The following PCDHA6 variants were observed in gnomAD, a reference collection of about 807,000 sequenced individuals.
PCDHA6 encodes the protein protocadherin alpha 6, also known as protocadherin alpha-6.
A neutral mutation model predicts 60.3 loss-of-function variants in PCDHA6; 55 were observed. The ratio of observed to expected loss-of-function variants is 0.91; its 90% CI spans 0.73 to 1.14. The LOEUF is 1.14. Among genes scored for constraint, PCDHA6 ranks in the 50% most tolerant of loss-of-function variants. The pLI is 0.00. For missense variants in PCDHA6, 1,327 were observed against 1,256.5 expected, an observed-to-expected ratio of 1.06 and a Z score of -0.85; for synonymous variants, 652 against 557.9, an observed-to-expected ratio of 1.17 and a Z score of -2.38.
intron 1 of PCDHA6, chr5:140,841,790 G>T (rs2150322746): frequency 6.2e-7 from 1 of 1,613,884 alleles, no homozygotes. Flanking sequence ...GCTAGAGGGC[G>T]CGTCCGATGC....
intron 1 of PCDHA6, among the ~76,000 whole-genome samples, chr5:140,872,551 C>T (rs574173970): frequency 6.6e-6 from 1 of 152,178 alleles, no homozygotes; most frequent in East Asian, 1.9e-4. Flanking sequence ...CCCCTGAACC[C>T]AGGGGTTCAG....
At chr5:140,909,747 G>T (rs1554193902) in intron 1 of PCDHA6, among the ~76,000 whole-genome samples, 1 of 152,146 alleles carries the variant, frequency 6.6e-6, no homozygotes, top group East Asian at 1.9e-4. Context: ...CTGGGGAAAT[G>T]ACCACAGGAT....
chr5:140,874,266 T>C (rs1554167103), intron 1 of PCDHA6, among the ~76,000 whole-genome samples: 2 of 152,222 alleles, frequency 1.3e-5, no homozygotes, highest in Admixed American at 1.3e-4. Context: ...TTGACTTGAG[T>C]ATTAATAGAC....
At chr5:140,932,039 CAT>C (rs2087970987) in intron 1 of PCDHA6, among the ~76,000 whole-genome samples, 1 of 151,816 alleles carries the variant, frequency 6.6e-6, no homozygotes, top group South Asian at 2.1e-4. Context: ...TATATATTAA[CAT>C]AGCCTGTAAT....
rs1306050057 is a variant in PCDHA6, at chr5:140,829,148, A to G, written c.1057A>G (p.Thr353Ala). ...TGATAACGTCCCTGAGATAGCACTG[A>G]CTTCCTTATCCTTGCCTGTACGTGA... ...KNDNVPEIAL[T>A]SLSLPVREDA... Residue 353 changes from threonine to alanine, a missense_variant, in exon 1 of 4, where the codon ACT becomes GCT. Thr to Ala is a moderately conservative substitution (Grantham distance 58). Transcript: ENST00000529310. The G allele has an allele frequency of 1.9e-6, 3 of 1,613,684 alleles. No homozygotes were observed. The highest frequency in any genetic ancestry group is 2.5e-6 in the Non-Finnish European group (3 of 1,179,664).
At chr5:140,929,195 G>GT in intron 1 of PCDHA6, 2 of 1,614,140 alleles carry the variant, frequency 1.2e-6, no homozygotes, top group Non-Finnish European at 1.7e-6. Context: ...GATAATAACA[G>GT]TTTGCTGTTG....
intron 1 of PCDHA6, chr5:140,865,276 A>C (rs1259929585): frequency 6.6e-6 from 1 of 152,182 alleles, no homozygotes; most frequent in African/African-American, 2.4e-5. Flanking sequence ...TTATATGTAA[A>C]ATTACTTTGC....
At chr5:140,838,268 C>T (rs1775630088) in intron 1 of PCDHA6, among the ~76,000 whole-genome samples, 2 of 138,020 alleles carry the variant, frequency 1.4e-5, no homozygotes, top group Admixed American at 7.6e-5. Context: ...CGCCAACAAC[C>T]AAGCCATGCT....
chr5:140,853,625 A>G (rs1195027874), intron 1 of PCDHA6: 1 of 988,416 alleles, frequency 1.0e-6, no homozygotes, highest in African/African-American at 1.8e-5. Context: ...ATAAGTATAC[A>G]AGATCACAGA....
At chr5:140,886,155 T>A (rs528104847) in intron 1 of PCDHA6, among the ~76,000 whole-genome samples, 1 of 152,330 alleles carries the variant, frequency 6.6e-6, no homozygotes, top group South Asian at 2.1e-4. Flanking sequence ...CACCTTTTTA[T>A]AGCCACATCT....
intron 1 of PCDHA6, among the ~76,000 whole-genome samples, chr5:140,921,243 G>A (rs2080116903): frequency 6.6e-6 from 1 of 151,726 alleles, no homozygotes; most frequent in Non-Finnish European, 1.5e-5. Flanking sequence ...TTAAGCCACA[G>A]ATCAAAAAGT....
chr5:140,843,529 G>A (rs2150362130), intron 1 of PCDHA6: 1 of 1,596,020 alleles, frequency 6.3e-7, no homozygotes, highest in Middle Eastern at 1.7e-4. Flanking sequence ...GGGCGGGCAA[G>A]CCCACTCTGG....
At chr5:140,999,892 G>A (rs1329841334) in intron 3 of PCDHA6, among the ~76,000 whole-genome samples, 1 of 152,134 alleles carries the variant, frequency 6.6e-6, no homozygotes, top group Non-Finnish European at 1.5e-5. Context: ...GCTGTAGCTT[G>A]GGACACCAAA....
chr5:140,870,876 G>A, intron 1 of PCDHA6: 1 of 1,613,958 alleles, frequency 6.2e-7, no homozygotes, highest in Non-Finnish European at 8.5e-7. Context: ...ACGTGGTGGC[G>A]AAGGTGCGCG....
At chr5:140,976,518 A>G (rs2096720750) in intron 1 of PCDHA6, among the ~76,000 whole-genome samples, 1 of 152,070 alleles carries the variant, frequency 6.6e-6, no homozygotes, top group Admixed American at 6.6e-5. Flanking sequence ...GCCACTGCAC[A>G]CCAGCCTAAA....
chr5:140,852,889 T>G lies in PCDHA6; in HGVS notation c.2394+22404T>G. On this transcript the variant is annotated intron_variant, in intron 1 of 3. Transcript: ENST00000529310. ...TCATCAATAATCATAAAACGTATTT[T>G]TTTTTTTGAGTCAGAGTCTCGCTCT... is the stretch of plus-strand genomic sequence containing the variant. The G allele has an allele frequency of 2.2e-6, 2 of 920,480 alleles. 1 individual carries two copies. The highest frequency in any genetic ancestry group is 2.6e-6 in the Non-Finnish European group (2 of 757,628). The allele number at this position is 920,480 out of a possible 1,614,324, so 57.0% of individuals were successfully genotyped here.
chr5:140,938,828 G>A (rs570802606), intron 1 of PCDHA6, among the ~76,000 whole-genome samples: 84 of 152,072 alleles, frequency 5.5e-4, no homozygotes, highest in Admixed American at 1.4e-3. Context: ...ATGAGTTTGC[G>A]TTATAACAAA....
intron 1 of PCDHA6, chr5:140,843,353 G>A: frequency 1.3e-6 from 2 of 1,596,134 alleles, no homozygotes; most frequent in African/African-American, 1.3e-5. Context: ...GGCTCCAAAA[G>A]CGTCATCGAG....
intron 1 of PCDHA6, chr5:140,878,024 G>A (rs2057444305): frequency 7.9e-6 from 6 of 757,742 alleles, no homozygotes; most frequent in South Asian, 2.8e-5. Context: ...AAGGAAATAT[G>A]TAGGTACAAT....
Sources: allele counts gnomAD v4.1 joint callset (sites outside exome capture counted in the v4.1 genomes callset), GRCh38; gene constraint gnomAD v4.1.1; transcripts MANE v1.5; gene names NCBI Gene and HGNC (gene_info 2026-07-23, HGNC 2026-07-21).